The following UNC79 variants were observed in gnomAD, a reference collection of about 807,000 sequenced individuals.
UNC79 encodes the protein protein unc-79 homolog.
A neutral mutation model predicts 283.1 loss-of-function variants in UNC79; 37 were observed. That is an observed-to-expected ratio of 0.13 (90% CI 0.10 to 0.17). The LOEUF is 0.17. UNC79 is among the 10% of genes least tolerant of loss of function. The pLI, the probability that UNC79 is intolerant of heterozygous loss-of-function variation, is 1.00. For missense variants in UNC79, 2,272 were observed against 3,211.1 expected, an observed-to-expected ratio of 0.71 and a Z score of 7.07; for synonymous variants, 1,107 against 1,200.2, an observed-to-expected ratio of 0.92 and a Z score of 1.61.
chr14:93,502,768 A>G (rs528056099), intron 7 of UNC79, among the ~76,000 whole-genome samples: 43 of 152,336 alleles, frequency 2.8e-4, no homozygotes, highest in Non-Finnish European at 4.9e-4. Context: ...CAGGGACTGT[A>G]CCTTTCTAAG....
At chr14:93,415,847 C>T (rs1347205435) in intron 1 of UNC79, among the ~76,000 whole-genome samples, 1 of 151,858 alleles carries the variant, frequency 6.6e-6, no homozygotes, top group Non-Finnish European at 1.5e-5. Context: ...GTTTGTATTT[C>T]TGTGGGATCA....
At position 93,614,572 on chromosome 14, in the gene UNC79, G is replaced by A. The variant is rs372620932; in HGVS notation, c.4041+1489G>A. ...GGCCTCAAGTGATCCACCCACCTTGGCCTCCCAAAGTGCTAGAATTACAGG... is the reference window on the plus strand; with the variant it reads ...GGCCTCAAGTGATCCACCCACCTTGACCTCCCAAAGTGCTAGAATTACAGG... On this transcript the variant is annotated intron_variant, in intron 27 of 48. Transcript: ENST00000555664. Among the ~76,000 whole-genome samples, 289 of 151,402 alleles carry A rather than the reference G, an allele frequency of 1.9e-3. 9 individuals are homozygous for A. The South Asian group carries it at 0.056, about 29-fold the overall frequency.
chr14:93,451,820 A>C (rs2056653306), intron 1 of UNC79, among the ~76,000 whole-genome samples: 1 of 152,172 alleles, frequency 6.6e-6, no homozygotes, highest in Non-Finnish European at 1.5e-5. Context: ...GTTGGTTCTT[A>C]GCACTGCTGC....
intron 1 of UNC79, among the ~76,000 whole-genome samples, chr14:93,448,270 T>C (rs573284659): frequency 6.6e-6 from 1 of 151,966 alleles, no homozygotes; most frequent in Non-Finnish European, 1.5e-5. Flanking sequence ...TCCTCTGTCA[T>C]GACCATTTCT....
At chr14:93,671,294 A>G (rs528803285) in intron 40 of UNC79, among the ~76,000 whole-genome samples, 1 of 152,354 alleles carries the variant, frequency 6.6e-6, no homozygotes, top group South Asian at 2.1e-4. Context: ...CATACATGAA[A>G]TAATAAATAC....
chr14:93,706,569 G>C (rs1421805393), intron 48 of UNC79, 135 bp from the exon 52 acceptor site: 3 of 934,864 alleles, frequency 3.2e-6, no homozygotes, highest in Non-Finnish European at 4.9e-6. Context: ...TGCCAGAGTA[G>C]AGAGTTTGCC....
intron 1 of UNC79, among the ~76,000 whole-genome samples, chr14:93,421,227 G>A (rs868039405): frequency 2.0e-5 from 3 of 151,314 alleles, no homozygotes; most frequent in African/African-American, 2.4e-5. Context: ...AAAAAAAGAG[G>A]GAAGACTCAA....
At chr14:93,686,398 A>G (rs565889749) in intron 42 of UNC79, among the ~76,000 whole-genome samples, 174 bp from the exon 46 acceptor site, 1 of 151,388 alleles carries the variant, frequency 6.6e-6, no homozygotes, top group South Asian at 2.1e-4. Flanking sequence ...CCTTCTATCA[A>G]TTTTTGTCCA....
intron 1 of UNC79, among the ~76,000 whole-genome samples, chr14:93,344,745 G>T (rs1440289423): frequency 6.6e-6 from 1 of 152,174 alleles, no homozygotes; most frequent in Non-Finnish European, 1.5e-5. Flanking sequence ...ATTATCTGGG[G>T]ATATCTAAGG....
intron 39 of UNC79, among the ~76,000 whole-genome samples, chr14:93,661,802 T>C (rs769593656): frequency 2.0e-5 from 3 of 152,166 alleles, no homozygotes; most frequent in African/African-American, 4.8e-5. Flanking sequence ...ATCCCCCTTT[T>C]ACAGAGGAGA....
intron 4 of UNC79, among the ~76,000 whole-genome samples, chr14:93,481,934 A>C (rs930380310): frequency 2.0e-4 from 31 of 152,190 alleles, no homozygotes; most frequent in African/African-American, 7.2e-4. Flanking sequence ...ATAATCCTTC[A>C]ACTATTGGCA....
At chr14:93,435,228 G>A (rs557352162) in intron 1 of UNC79, among the ~76,000 whole-genome samples, 6 of 152,340 alleles carry the variant, frequency 3.9e-5, no homozygotes, top group African/African-American at 1.2e-4. Context: ...AAATTAGAAT[G>A]TGCCTATTAT....
chr14:93,518,765 A>T (rs915457701), intron 7 of UNC79, among the ~76,000 whole-genome samples: 1 of 151,816 alleles, frequency 6.6e-6, no homozygotes, highest in Admixed American at 6.6e-5. Flanking sequence ...AGTGCAGGAT[A>T]TTTTCTAAAG....
At chr14:93,496,544 A>T (rs2059021394) in intron 6 of UNC79, 78 bp downstream of exon 6, 2 of 1,026,288 alleles carry the variant, frequency 1.9e-6, no homozygotes, top group African/African-American at 3.3e-5. Flanking sequence ...ACGTATTAAA[A>T]CTGTTGTTTA....
intron 7 of UNC79, among the ~76,000 whole-genome samples, chr14:93,511,195 G>A (rs767946226): frequency 6.0e-4 from 91 of 152,084 alleles, no homozygotes; most frequent in Non-Finnish European, 1.1e-3. Flanking sequence ...CCACTCCCAC[G>A]ATCTAGTCAC....
chr14:93,519,512 T>C (rs1341419792), intron 7 of UNC79, among the ~76,000 whole-genome samples: 1 of 151,888 alleles, frequency 6.6e-6, no homozygotes, highest in Non-Finnish European at 1.5e-5. Context: ...AAAATTATTG[T>C]TTAGACCATT....
At chr14:93,643,735 C>G in intron 34 of UNC79, 38 bp downstream of exon 37, 2 of 1,607,240 alleles carry the variant, frequency 1.2e-6, no homozygotes, top group Non-Finnish European at 1.7e-6. Flanking sequence ...TAGGAAGGTC[C>G]TTTATTCAGT....
chr14:93,692,739 G>A (rs1308717888), intron 46 of UNC79, among the ~76,000 whole-genome samples: 2 of 152,222 alleles, frequency 1.3e-5, no homozygotes, highest in Non-Finnish European at 2.9e-5. Flanking sequence ...TCTGGGGTAT[G>A]GCTAGCCTAA....
chr14:93,460,277 AG>A (rs937971892), intron 1 of UNC79, among the ~76,000 whole-genome samples: 27 of 150,180 alleles, frequency 1.8e-4, no homozygotes, highest in Non-Finnish European at 3.4e-4. Flanking sequence ...TGGGAGGCTA[AG>A]GCGGGCAGAT....
Sources: allele counts gnomAD v4.1 joint callset (sites outside exome capture counted in the v4.1 genomes callset), GRCh38; gene constraint gnomAD v4.1.1; transcripts MANE v1.5; gene names NCBI Gene and HGNC (gene_info 2026-07-23, HGNC 2026-07-21).